DAPK1: variants seen among roughly 807,000 people sequenced by gnomAD.
The protein encoded by DAPK1 is death-associated protein kinase 1.
DAPK1 carries 56 observed loss-of-function variants against 144.9 expected under a neutral mutation model. The ratio of observed to expected loss-of-function variants is 0.39; its 90% CI spans 0.31 to 0.48. The LOEUF is 0.48. Among genes scored for constraint, DAPK1 ranks in the 20% least tolerant of loss-of-function variants. The probability of loss-of-function intolerance (pLI) is 0.95; values close to 1 mark genes in which losing one functional copy is unlikely to be tolerated. For synonymous variants in DAPK1, 690 were observed against 749.0 expected, an observed-to-expected ratio of 0.92 and a Z score of 1.29; for missense variants, 1,454 against 1,875.4, an observed-to-expected ratio of 0.78 and a Z score of 4.15.
rs183519522 is a variant in DAPK1 at position 87,499,321 on chromosome 9, G to A, written c.62+182G>A. 954 of 603,088 alleles carry A rather than the reference G, an allele frequency of 1.6e-3. 2 individuals carry two copies. Among genetic ancestry groups the A allele is most frequent in the Non-Finnish European group, 2.5e-3 (848 of 336,208 alleles). The allele number at this position is 603,088 out of a possible 1,614,324, so 37.4% of individuals were successfully genotyped here. ...AACCGCCTGATCCAAGGGCCTGGGG[G>A]TGGAGGAGAGGCAGCAGTTCAGGGC... On this transcript the variant is annotated intron_variant, in intron 2 of 25. Transcript: ENST00000408954.
At chr9:87,688,129 G>A (rs1824931462) in intron 21 of DAPK1, among the ~76,000 whole-genome samples, 2 of 104,896 alleles carry the variant, frequency 1.9e-5, no homozygotes, top group Non-Finnish European at 3.5e-5. Context: ...TACTATTGTT[G>A]CCATCTTTAC....
At chr9:87,531,069 A>G (rs1440876032) in intron 2 of DAPK1, among the ~76,000 whole-genome samples, 3 of 152,344 alleles carry the variant, frequency 2.0e-5, no homozygotes, top group Non-Finnish European at 2.9e-5. Flanking sequence ...GTATCTATCT[A>G]ATTCCTTCTC....
At chr9:87,600,644 C>T (rs991493044) in intron 2 of DAPK1, among the ~76,000 whole-genome samples, 8 of 152,102 alleles carry the variant, frequency 5.3e-5, no homozygotes, top group African/African-American at 1.9e-4. Context: ...GTACAAAATC[C>T]ATTAATAATA....
At chr9:87,617,819 T>C (rs1458573652) in intron 3 of DAPK1, among the ~76,000 whole-genome samples, 1 of 152,176 alleles carries the variant, frequency 6.6e-6, no homozygotes, top group African/African-American at 2.4e-5. Context: ...ACTGGACTCA[T>C]AGCATTCCCT....
intron 2 of DAPK1, among the ~76,000 whole-genome samples, chr9:87,557,387 A>G (rs974143945): frequency 6.6e-6 from 1 of 152,198 alleles, no homozygotes. Context: ...TCGTCCTTCC[A>G]AATTAGATTA....
chr9:87,691,178 A>T (rs1220298949), intron 21 of DAPK1, among the ~76,000 whole-genome samples: 1 of 151,848 alleles, frequency 6.6e-6, no homozygotes, highest in East Asian at 1.9e-4. Flanking sequence ...CTCATTACTC[A>T]TTATTGGTCT....
chr9:87,681,892 G>A, intron 20 of DAPK1: 1 of 533,334 alleles, frequency 1.9e-6, no homozygotes, highest in Non-Finnish European at 3.4e-6. Context: ...CCTCATAAAT[G>A]TGCAAACTGC....
intron 3 of DAPK1, among the ~76,000 whole-genome samples, chr9:87,627,627 T>C (rs945658313): frequency 4.9e-4 from 75 of 152,168 alleles, no homozygotes; most frequent in African/African-American, 1.8e-3. Context: ...CTTACCTGTT[T>C]CCTGTCTAAG....
intron 17 of DAPK1, chr9:87,657,682 A>G (rs1377164472): frequency 6.3e-6 from 2 of 315,742 alleles, no homozygotes; most frequent in Non-Finnish European, 1.2e-5. Context: ...TCTGTCTTCC[A>G]TGTCTTCTTC....
intron 2 of DAPK1, among the ~76,000 whole-genome samples, chr9:87,539,698 A>T (rs11141871): frequency 0.45 from 68,790 of 151,912 alleles, 15,757 homozygotes; most frequent in South Asian, 0.57. Flanking sequence ...GATTACAGGC[A>T]TAAGCCACTG....
chr9:87,682,849 A>T (rs1784155389), intron 20 of DAPK1, among the ~76,000 whole-genome samples: 1 of 152,112 alleles, frequency 6.6e-6, no homozygotes, highest in Non-Finnish European at 1.5e-5. Context: ...ACAGGTGGCA[A>T]ATCCCAGAAC....
chr9:87,661,836 T>C (rs1382880326), intron 18 of DAPK1, among the ~76,000 whole-genome samples: 2 of 152,192 alleles, frequency 1.3e-5, no homozygotes, highest in Non-Finnish European at 2.9e-5. Flanking sequence ...GTTTAAGTCC[T>C]GTTCGTCTAT....
At chr9:87,537,122 G>A (rs1352662869) in intron 2 of DAPK1, among the ~76,000 whole-genome samples, 2 of 152,112 alleles carry the variant, frequency 1.3e-5, no homozygotes, top group African/African-American at 4.8e-5. Context: ...AAGTAGCTGG[G>A]ATTACAGGCG....
Position 87,640,948 on chromosome 9 carries a change from A to G in DAPK1, c.828+101A>G. 3 of 1,135,792 alleles carry G rather than the reference A, an allele frequency of 2.6e-6. No individual in the cohort carries two copies. The Middle Eastern group carries it at 5.8e-4, about 221-fold the overall frequency. The allele number at this position is 1,135,792 out of a possible 1,614,324, so 70.4% of individuals were successfully genotyped here. A position where few individuals can be genotyped will look rare whatever the true frequency, so the allele number is the denominator to read the frequency against. On this transcript the variant is annotated intron_variant, in intron 9 of 25. Coordinates refer to ENST00000408954, the MANE Select transcript of DAPK1 (RefSeq NM_004938.4). ...TAGAGTACTGCTAACCACAGGTCAC[A>G]CCTGGAGTGTTAAGTTTGCTATTTG...
intron 2 of DAPK1, among the ~76,000 whole-genome samples, chr9:87,593,384 G>C (rs1759559580): frequency 1.3e-5 from 2 of 152,216 alleles, no homozygotes; most frequent in Admixed American, 1.3e-4. Flanking sequence ...ATAGTATCTT[G>C]ACTTAAATCA....
intron 2 of DAPK1, among the ~76,000 whole-genome samples, chr9:87,559,529 A>T (rs1267426443): frequency 1.3e-5 from 2 of 152,160 alleles, no homozygotes; most frequent in East Asian, 3.8e-4. Flanking sequence ...TAGCACCGTG[A>T]CTAGTAGCTA....
At chr9:87,567,402 A>T (rs1346254883) in intron 2 of DAPK1, among the ~76,000 whole-genome samples, 1 of 152,002 alleles carries the variant, frequency 6.6e-6, no homozygotes, top group East Asian at 1.9e-4. Context: ...GGGGTAGGGA[A>T]GGGAATGGGG....
intron 3 of DAPK1, among the ~76,000 whole-genome samples, chr9:87,605,941 T>G (rs1828699995): frequency 6.6e-6 from 1 of 152,112 alleles, no homozygotes; most frequent in African/African-American, 2.4e-5. Flanking sequence ...GTCTCCGGGC[T>G]TTTGGGATGG....
intron 2 of DAPK1, among the ~76,000 whole-genome samples, chr9:87,568,233 G>A (rs1827203255): frequency 6.6e-6 from 1 of 152,232 alleles, no homozygotes; most frequent in Non-Finnish European, 1.5e-5. Context: ...CTGACTGCCT[G>A]CAGGCCGTGG....
Sources: gnomAD v4.1 joint callset for allele counts (sites outside exome capture counted in the v4.1 genomes callset) on GRCh38, gnomAD v4.1.1 for gene constraint, MANE v1.5 for transcripts, NCBI Gene and HGNC (gene_info 2026-07-23, HGNC 2026-07-21) for gene names.